ZFHX3: variants seen among roughly 807,000 people sequenced by gnomAD.
The protein encoded by ZFHX3 is zinc finger homeobox 3.
ZFHX3 carries 42 observed loss-of-function variants against 279.1 expected under a neutral mutation model. The observed-to-expected ratio is 0.15, with a 90% CI of 0.12 to 0.19. The LOEUF (loss-of-function observed/expected upper bound fraction) is 0.19. Among genes scored for constraint, ZFHX3 ranks in the 10% least tolerant of loss-of-function variants. The probability of loss-of-function intolerance (pLI) is 1.00; values close to 1 mark genes in which losing one functional copy is unlikely to be tolerated. For synonymous variants in ZFHX3, 2,293 were observed against 1,957.8 expected (o/e 1.17, Z -4.52); for missense variants, 4,981 against 4,754.0 (o/e 1.05, Z -1.40).
At chr16:73,862,840 G>T (rs965262505) in intron 1 of ZFHX3, among the ~76,000 whole-genome samples, 1 of 152,072 alleles carries the variant, frequency 6.6e-6, no homozygotes, top group African/African-American at 2.4e-5. Context: ...TTAGCCTGAC[G>T]TGATACCTAC....
chr16:73,709,630 G>A (rs1206121751), intron 1 of ZFHX3, among the ~76,000 whole-genome samples: 4 of 151,980 alleles, frequency 2.6e-5, no homozygotes, highest in East Asian at 3.9e-4. Flanking sequence ...TTGGGGGTGA[G>A]GGTTTAGGGC....
chr16:73,346,026 G>A (rs2016117509), intron 3 of ZFHX3, among the ~76,000 whole-genome samples: 2 of 152,156 alleles, frequency 1.3e-5, no homozygotes, highest in African/African-American at 4.8e-5. Context: ...AGGCCAGAAT[G>A]AGGGAGCTGT....
intron 2 of ZFHX3, among the ~76,000 whole-genome samples, chr16:73,522,858 A>T (rs1222312638): frequency 6.6e-6 from 1 of 152,160 alleles, no homozygotes; most frequent in Non-Finnish European, 1.5e-5. Flanking sequence ...GGAAGCAAAC[A>T]CATCCTTCTA....
intron 2 of ZFHX3, among the ~76,000 whole-genome samples, chr16:73,607,305 G>A: frequency 6.6e-6 from 1 of 152,200 alleles, no homozygotes; most frequent in African/African-American, 2.4e-5. Context: ...GGGATTACAG[G>A]CGTGAGCCAC....
intron 2 of ZFHX3, among the ~76,000 whole-genome samples, chr16:73,556,142 T>C (rs182815645): frequency 2.2e-4 from 33 of 152,312 alleles, no homozygotes; most frequent in African/African-American, 7.5e-4. Context: ...ATTGGACCTC[T>C]GGAAAGCAAC....
intron 3 of ZFHX3, among the ~76,000 whole-genome samples, chr16:73,350,892 G>C (rs569557353): frequency 1.3e-5 from 2 of 152,162 alleles, no homozygotes; most frequent in Non-Finnish European, 2.9e-5. Flanking sequence ...CCTGAGTTCT[G>C]CTTCCTGGAA....
chr16:73,006,944 G>C (rs1963727375), intron 1 of ZFHX3, among the ~76,000 whole-genome samples: 2 of 152,126 alleles, frequency 1.3e-5, no homozygotes, highest in Non-Finnish European at 2.9e-5. Flanking sequence ...AAGCAAAAAG[G>C]CTGTCGAGTC....
intron 3 of ZFHX3, among the ~76,000 whole-genome samples, chr16:73,374,440 T>G (rs568284929): frequency 5.3e-5 from 8 of 152,338 alleles, no homozygotes; most frequent in African/African-American, 1.9e-4. Flanking sequence ...CACTTTATTA[T>G]TTTGAAACAA....
At chr16:73,493,225 C>A (rs1284321579) in intron 2 of ZFHX3, among the ~76,000 whole-genome samples, 1 of 152,154 alleles carries the variant, frequency 6.6e-6, no homozygotes, top group Non-Finnish European at 1.5e-5. Context: ...TTGCCATGAA[C>A]CTATCTGGTT....
chr16:73,494,720 C>A (rs932098923), intron 2 of ZFHX3, among the ~76,000 whole-genome samples: 1 of 142,456 alleles, frequency 7.0e-6, no homozygotes, highest in African/African-American at 2.7e-5. Flanking sequence ...CCACCATGAC[C>A]GGCTAATTTT....
intron 1 of ZFHX3, among the ~76,000 whole-genome samples, chr16:73,703,781 T>G (rs1555533495): frequency 6.6e-6 from 1 of 152,172 alleles, no homozygotes; most frequent in Non-Finnish European, 1.5e-5. Flanking sequence ...ACAGGCAATC[T>G]TCAGGTTTAA....
intron 1 of ZFHX3, among the ~76,000 whole-genome samples, chr16:73,770,748 T>A (rs1030809887): frequency 1.3e-5 from 2 of 152,188 alleles, no homozygotes; most frequent in Non-Finnish European, 2.9e-5. Context: ...CCCCTCAAAG[T>A]AGGAACATTC....
chr16:73,424,776 A>G (rs76194138), intron 3 of ZFHX3, among the ~76,000 whole-genome samples: 10,606 of 139,064 alleles, frequency 0.076, 407 homozygotes, highest in East Asian at 0.19. Context: ...AAAAAAAAAA[A>G]AGAGAAAGAA....
chr16:73,599,484 C>T (rs62042977), intron 2 of ZFHX3, among the ~76,000 whole-genome samples: 22,531 of 152,252 alleles, frequency 0.15, 2,010 homozygotes, highest in East Asian at 0.18. Flanking sequence ...AAGTGGGGCC[C>T]TTCTGGGCAC....
At chr16:72,899,450 C>T (rs2038978985) in intron 3 of ZFHX3, among the ~76,000 whole-genome samples, 1 of 152,192 alleles carries the variant, frequency 6.6e-6, no homozygotes, top group Non-Finnish European at 1.5e-5. Flanking sequence ...GAGGCCTCCC[C>T]AGCCATGCTG....
chr16:73,424,710 C>A (rs911357610), intron 3 of ZFHX3, among the ~76,000 whole-genome samples: 1 of 131,782 alleles, frequency 7.6e-6, no homozygotes, highest in Non-Finnish European at 1.5e-5. Flanking sequence ...GCTATGATTG[C>A]GCCACTGCAC....
intron 1 of ZFHX3, among the ~76,000 whole-genome samples, chr16:73,735,272 G>T (rs1200069074): frequency 1.3e-5 from 2 of 151,288 alleles, no homozygotes; most frequent in Non-Finnish European, 2.9e-5. Context: ...GAGTCATAGG[G>T]TTATGAGTCA....
chr16:73,665,695 G>A (rs570953983), intron 2 of ZFHX3, among the ~76,000 whole-genome samples: 1 of 151,310 alleles, frequency 6.6e-6, no homozygotes, highest in Non-Finnish European at 1.5e-5. Flanking sequence ...AAGCAGATGA[G>A]ATACAAATAA....
intron 1 of ZFHX3, among the ~76,000 whole-genome samples, chr16:73,809,912 T>TG (rs1445006870): frequency 1.3e-5 from 2 of 152,176 alleles, no homozygotes; most frequent in Non-Finnish European, 2.9e-5. Context: ...CACTTACCTA[T>TG]GCTGACATTG....
Sources: gnomAD v4.1 joint callset for allele counts (sites outside exome capture counted in the v4.1 genomes callset) on GRCh38, gnomAD v4.1.1 for gene constraint, MANE v1.5 for transcripts, NCBI Gene and HGNC (gene_info 2026-07-23, HGNC 2026-07-21) for gene names.